The following CCSER1 variants were observed in gnomAD, a reference collection of about 807,000 sequenced individuals.
CCSER1 encodes serine-rich coiled-coil domain-containing protein 1.
Under a neutral mutation model 82.0 loss-of-function variants are expected in CCSER1, and 41 were observed. The ratio of observed to expected loss-of-function variants is 0.50; its 90% confidence interval spans 0.39 to 0.65. CCSER1 has a LOEUF of 0.65. CCSER1 is among the 30% of genes least tolerant of loss of function. The probability of loss-of-function intolerance (pLI) is 0.00; values close to 1 mark genes in which losing one functional copy is unlikely to be tolerated. For missense variants in CCSER1, 1,119 were observed against 1,064.2 expected (o/e 1.05, Z -0.72); for synonymous variants, 414 against 383.9 (o/e 1.08, Z -0.92).
At chr4:90,607,001 T>C (rs921080066) in intron 5 of CCSER1, among the ~76,000 whole-genome samples, 1 of 152,182 alleles carries the variant, frequency 6.6e-6, no homozygotes, top group African/African-American at 2.4e-5. Context: ...GTTGATGAAA[T>C]TAAGGATTCC....
intron 1 of CCSER1, among the ~76,000 whole-genome samples, chr4:90,175,684 A>T (rs1732529420): frequency 1.3e-5 from 2 of 152,068 alleles, no homozygotes; most frequent in Admixed American, 1.3e-4. Context: ...TGGATAATGC[A>T]TTCTCAACCT....
intron 1 of CCSER1, among the ~76,000 whole-genome samples, chr4:90,246,985 A>AG (rs1490365114): frequency 6.6e-6 from 1 of 152,100 alleles, no homozygotes; most frequent in African/African-American, 2.4e-5. Flanking sequence ...TAAGTAAAAA[A>AG]AAGGTTCTTT....
rs1243659117 is a variant in CCSER1, at chr4:91,426,399, A to T, written c.2218-172173A>T. On this transcript the variant is annotated intron_variant, in intron 10 of 10. Coordinates refer to ENST00000509176, the MANE Select transcript of CCSER1 (RefSeq NM_001145065.2). ...TTGATTTATAATCCTTTGAGTATAC[A>T]CCCAGCAATGGGATTGCTGGATCAA... is the stretch of plus-strand genomic sequence containing the variant. Among the ~76,000 whole-genome samples the T allele has an allele frequency of 2.6e-5, 4 of 152,124 alleles. No individual in the cohort carries two copies. In the East Asian group the frequency reaches 7.7e-4, roughly 29 times the overall value.
intron 3 of CCSER1, among the ~76,000 whole-genome samples, chr4:90,382,696 C>T (rs1469325578): frequency 1.3e-5 from 2 of 151,960 alleles, no homozygotes; most frequent in Non-Finnish European, 2.9e-5. Context: ...TTTCTCTGTA[C>T]CTTAATACAA....
chr4:90,184,421 C>A (rs1734243162), intron 1 of CCSER1, among the ~76,000 whole-genome samples: 2 of 152,012 alleles, frequency 1.3e-5, no homozygotes, highest in Admixed American at 1.3e-4. Flanking sequence ...TAAAATTTTT[C>A]TTTAGAGAGT....
intron 10 of CCSER1, among the ~76,000 whole-genome samples, chr4:91,178,033 A>G (rs1733589100): frequency 6.6e-6 from 1 of 152,180 alleles, no homozygotes; most frequent in Admixed American, 6.5e-5. Context: ...TTGGTTTCAA[A>G]GAACATCTTT....
intron 10 of CCSER1, among the ~76,000 whole-genome samples, chr4:91,156,564 A>G (rs1456736055): frequency 1.3e-5 from 2 of 151,548 alleles, no homozygotes; most frequent in Admixed American, 1.3e-4. Context: ...AAAATTATTA[A>G]GTTAAAAGAA....
At chr4:91,121,658 C>T (rs907862593) in intron 10 of CCSER1, among the ~76,000 whole-genome samples, 29 of 151,306 alleles carry the variant, frequency 1.9e-4, no homozygotes, top group African/African-American at 7.0e-4. Flanking sequence ...TATTTTGGGC[C>T]AAAATATTAT....
At chr4:90,242,073 G>A (rs1022665709) in intron 1 of CCSER1, among the ~76,000 whole-genome samples, 3 of 152,146 alleles carry the variant, frequency 2.0e-5, no homozygotes, top group South Asian at 2.1e-4. Context: ...TTTGGAAGCC[G>A]AGGTGGGCAG....
intron 6 of CCSER1, among the ~76,000 whole-genome samples, chr4:90,701,229 A>G (rs943480147): frequency 6.6e-6 from 1 of 152,188 alleles, no homozygotes; most frequent in Non-Finnish European, 1.5e-5. Context: ...AGCACCATTT[A>G]TTAAACAGGG....
intron 4 of CCSER1, among the ~76,000 whole-genome samples, chr4:90,410,644 A>G (rs545460317): frequency 7.7e-4 from 118 of 152,318 alleles, no homozygotes; most frequent in African/African-American, 2.5e-3. Context: ...GTAGAGGGAA[A>G]TTTATAGCAC....
intron 8 of CCSER1, among the ~76,000 whole-genome samples, chr4:90,825,144 T>C (rs769990569): frequency 3.3e-5 from 5 of 152,244 alleles, no homozygotes; most frequent in Non-Finnish European, 7.3e-5. Flanking sequence ...GGTTGTTATA[T>C]TGCAGTACAG....
chr4:90,714,006 C>G (rs1242967549), intron 6 of CCSER1, among the ~76,000 whole-genome samples: 1 of 151,800 alleles, frequency 6.6e-6, no homozygotes, highest in Admixed American at 6.6e-5. Flanking sequence ...TCTCTAAGTC[C>G]TTCTAAGTCT....
intron 10 of CCSER1, among the ~76,000 whole-genome samples, chr4:91,517,494 A>G (rs1760195170): frequency 6.6e-6 from 1 of 152,132 alleles, no homozygotes; most frequent in South Asian, 2.1e-4. Context: ...TTGTACACTC[A>G]GCTGTTTTGT....
intron 10 of CCSER1, among the ~76,000 whole-genome samples, chr4:91,406,321 A>C (rs189237861): frequency 6.6e-6 from 1 of 152,202 alleles, no homozygotes; most frequent in African/African-American, 2.4e-5. Flanking sequence ...GAAGTCAAAC[A>C]GCAGGGTCTC....
intron 10 of CCSER1, among the ~76,000 whole-genome samples, chr4:91,361,412 T>A (rs1030155152): frequency 1.3e-5 from 2 of 151,708 alleles, no homozygotes; most frequent in Non-Finnish European, 2.9e-5. Context: ...TAACTTAAAT[T>A]TTTTTTGGAC....
intron 9 of CCSER1, among the ~76,000 whole-genome samples, chr4:91,004,009 G>A (rs759091608): frequency 2.0e-5 from 3 of 152,220 alleles, no homozygotes; most frequent in Non-Finnish European, 2.9e-5. Context: ...CAGTCAGGGT[G>A]TGTGTTCAGG....
At chr4:90,319,905 A>G (rs1404970889) in intron 3 of CCSER1, among the ~76,000 whole-genome samples, 1 of 152,244 alleles carries the variant, frequency 6.6e-6, no homozygotes, top group African/African-American at 2.4e-5. Flanking sequence ...CTCAATTCTT[A>G]TAAATTTTAA....
At chr4:90,452,275 C>T (rs746294500) in intron 4 of CCSER1, among the ~76,000 whole-genome samples, 37 of 152,124 alleles carry the variant, frequency 2.4e-4, no homozygotes, top group Non-Finnish European at 4.7e-4. Context: ...TTCAAGCTCC[C>T]CAGCTTCGTC....
Sources: gnomAD v4.1 joint callset for allele counts (sites outside exome capture counted in the v4.1 genomes callset) on GRCh38, gnomAD v4.1.1 for gene constraint, MANE v1.5 for transcripts, NCBI Gene and HGNC (gene_info 2026-07-23, HGNC 2026-07-21) for gene names.